Variants in MRTFB observed in about 807,000 individuals in gnomAD.
MRTFB encodes the protein myocardin-related transcription factor B.
MRTFB carries 29 observed loss-of-function variants against 104.2 expected under a neutral mutation model. The observed-to-expected ratio is 0.28, with a 90% confidence interval of 0.21 to 0.38. The LOEUF is 0.38. MRTFB is among the 10% of genes least tolerant of loss of function. The pLI is 1.00. For synonymous variants in MRTFB, 535 were observed against 519.5 expected, an observed-to-expected ratio of 1.03 and a Z score of -0.41; for missense variants, 1,270 against 1,341.6, an observed-to-expected ratio of 0.95 and a Z score of 0.83.
chr16:14,185,737 T>C (rs927471365), intron 3 of MRTFB, among the ~76,000 whole-genome samples: 2 of 152,134 alleles, frequency 1.3e-5, no homozygotes, highest in Non-Finnish European at 2.9e-5. Flanking sequence ...ACTGCTCTTA[T>C]AACCTCTGAT....
the MRTFB span, among the ~76,000 whole-genome samples, chr16:14,028,863 C>A: frequency 6.6e-6 from 1 of 152,150 alleles, no homozygotes; most frequent in Non-Finnish European, 1.5e-5. Context: ...GGAATATGAT[C>A]CTTTCACCTT....
chr16:14,009,695 A>G, the MRTFB span: 1 of 152,134 alleles, frequency 6.6e-6, no homozygotes, highest in East Asian at 1.9e-4. Context: ...TCCTATTCCT[A>G]GGATACTGAG....
At chr16:14,260,827 A>G (rs1418533818) in intron 16 of MRTFB, 82 bp from the exon 17 acceptor site, 1 of 1,168,474 alleles carries the variant, frequency 8.6e-7, no homozygotes, top group Non-Finnish European at 1.2e-6. Context: ...CATAATAGCA[A>G]TGTAACTGTC....
At position 14,104,270 on chromosome 16, in the gene MRTFB, T is replaced by C. The variant is rs189025853; in HGVS notation, c.-64+24916T>C. ...AAGGTGTGACTGTCTGGGCTGAGCA[T>C]AGAATGAGCACTTTCTCTTTCATTA... On this transcript the variant is annotated intron_variant, in intron 2 of 16. Coordinates refer to ENST00000571589, the MANE Select transcript of MRTFB (RefSeq NM_001308142.2). 2.8e-3 allele frequency among the ~76,000 whole-genome samples: 427 copies of C among 152,322 alleles called. 1 individual carries two copies. The highest frequency in any genetic ancestry group is 4.6e-3 in the South Asian group (22 of 4,822).
intron 12 of MRTFB, 43 bp downstream of exon 12, chr16:14,247,550 T>C: frequency 6.7e-7 from 1 of 1,499,368 alleles, no homozygotes; most frequent in African/African-American, 1.4e-5. Context: ...ACAGCATGCA[T>C]GGAATGCAAA....
In MRTFB at chr16:14,122,227, C is replaced by T. The variant is rs535796955; in HGVS notation, c.-63-18317C>T. ...TCATGGACATTTTCCCCTTTCAGTA[C>T]ATATGGATCTGTTTTTTTTTTTTCA... On this transcript the variant is annotated intron_variant, in intron 2 of 16. Coordinates refer to ENST00000571589, the MANE Select transcript of MRTFB (RefSeq NM_001308142.2). Among the ~76,000 whole-genome samples, 9 of 142,900 alleles carry T rather than the reference C, an allele frequency of 6.3e-5. No individual in the cohort carries two copies. In the South Asian group the frequency reaches 2.0e-3, roughly 31 times the overall value. 93.7% of individuals were successfully genotyped at this position (142,900 alleles called of 152,430 possible).
chr16:14,240,562 G>T, intron 10 of MRTFB, 78 bp downstream of exon 10: 2 of 1,602,068 alleles, frequency 1.2e-6, no homozygotes, highest in East Asian at 2.2e-5. Flanking sequence ...ACCAAAAGTT[G>T]AATGTTGTCA....
At chr16:14,230,843 T>C (rs1250884157) in intron 8 of MRTFB, among the ~76,000 whole-genome samples, 2,298 of 151,328 alleles carry the variant, frequency 0.015, 68 homozygotes, top group African/African-American at 0.053. Flanking sequence ...CGTATGTTTA[T>C]TGAGGCACTA....
the MRTFB span, among the ~76,000 whole-genome samples, chr16:14,016,868 G>A: frequency 3.3e-5 from 5 of 150,820 alleles, no homozygotes; most frequent in Admixed American, 6.6e-5. Context: ...GTGAACATGT[G>A]ATTCAGAATT....
intron 2 of MRTFB, among the ~76,000 whole-genome samples, chr16:14,124,778 A>G (rs2037027121): frequency 6.6e-6 from 1 of 152,206 alleles, no homozygotes; most frequent in African/African-American, 2.4e-5. Context: ...CTGGCCTCAT[A>G]AAATGAGTTA....
chr16:14,041,735 TG>T, the MRTFB span, among the ~76,000 whole-genome samples: 1 of 151,820 alleles, frequency 6.6e-6, no homozygotes, highest in African/African-American at 2.4e-5. Flanking sequence ...GAGACTAGCC[TG>T]GCCAACATGG....
intron 2 of MRTFB, among the ~76,000 whole-genome samples, chr16:14,119,904 GT>G (rs1199857925): frequency 3.9e-5 from 6 of 152,114 alleles, no homozygotes; most frequent in Non-Finnish European, 7.3e-5. Flanking sequence ...TTCACTGGAC[GT>G]TGCCAGATCA....
chr16:14,089,874 C>G (rs180739130), intron 2 of MRTFB, among the ~76,000 whole-genome samples: 3 of 152,228 alleles, frequency 2.0e-5, no homozygotes, highest in Admixed American at 2.0e-4. Context: ...TTTGCATTTC[C>G]CTAATCACTA....
At chr16:14,087,014 T>C (rs1400538533) in intron 2 of MRTFB, among the ~76,000 whole-genome samples, 2 of 152,128 alleles carry the variant, frequency 1.3e-5, no homozygotes, top group East Asian at 3.9e-4. Flanking sequence ...AGGAGAAAAA[T>C]TTTGTCTTCA....
chr16:14,238,331 G>A (rs545783290), intron 9 of MRTFB, among the ~76,000 whole-genome samples: 1 of 152,158 alleles, frequency 6.6e-6, no homozygotes, highest in Non-Finnish European at 1.5e-5. Context: ...ATGACAAAGG[G>A]GGGGACTGTG....
Position 14,265,303 on chromosome 16 carries a change from C to T in MRTFB, c.*3859C>T, listed in dbSNP as rs1157730215. On this transcript the variant is annotated 3_prime_UTR_variant, in exon 17 of 17. Coordinates refer to ENST00000571589, the MANE Select transcript of MRTFB (RefSeq NM_001308142.2). The stretch of plus-strand genomic sequence containing the variant: ...TGTAAACATGAATATTGAATACTGA[C>T]AAGAGAATACCCATACAAATCGTCC... 4 of 152,308 alleles carry T rather than the reference C, an allele frequency of 2.6e-5. No homozygotes were observed. In the East Asian group the frequency reaches 7.7e-4, roughly 29 times the overall value. The allele number at this position is 152,308 out of a possible 1,614,324, so 9.4% of individuals were successfully genotyped here.
At chr16:14,120,782 T>A (rs1428947216) in intron 2 of MRTFB, among the ~76,000 whole-genome samples, 1 of 151,938 alleles carries the variant, frequency 6.6e-6, no homozygotes, top group Non-Finnish European at 1.5e-5. Flanking sequence ...GAATAGTGGG[T>A]GGTTGTGCTA....
chr16:14,230,354 A>C (rs1383271783), intron 8 of MRTFB, among the ~76,000 whole-genome samples: 1 of 152,180 alleles, frequency 6.6e-6, no homozygotes, highest in Non-Finnish European at 1.5e-5. Flanking sequence ...CAACCTACAA[A>C]ATGGGAGAAA....
chr16:14,152,450 TA>T (rs1472258929), intron 3 of MRTFB: 1 of 152,170 alleles, frequency 6.6e-6, no homozygotes, highest in Non-Finnish European at 1.5e-5. Context: ...GGCAGCTGTT[TA>T]GATGATGCTG....
Sources: allele counts gnomAD v4.1 joint callset (sites outside exome capture counted in the v4.1 genomes callset), GRCh38; gene constraint gnomAD v4.1.1; transcripts MANE v1.5; gene names NCBI Gene and HGNC (gene_info 2026-07-23, HGNC 2026-07-21).